Variants in STK24 observed in about 807,000 individuals in gnomAD.
STK24 encodes serine/threonine kinase 24.
STK24 carries 21 observed loss-of-function variants against 55.6 expected under a neutral mutation model. That is an observed-to-expected ratio of 0.38 (90% CI 0.27 to 0.54). The LOEUF is 0.54. STK24 is among the 20% of genes least tolerant of loss of function. STK24 has a pLI of 0.79. For synonymous variants in STK24, 200 were observed against 215.2 expected (o/e 0.93, Z 0.62); for missense variants, 383 against 538.4 (o/e 0.71, Z 2.86).
chr13:98,554,655 C>T (rs533864707), intron 1 of STK24, among the ~76,000 whole-genome samples: 1 of 152,262 alleles, frequency 6.6e-6, no homozygotes, highest in African/African-American at 2.4e-5. Context: ...GACTCCACCT[C>T]TACAAAAATA....
At chr13:98,552,513 A>C (rs191946979) in intron 1 of STK24, among the ~76,000 whole-genome samples, 2 of 152,184 alleles carry the variant, frequency 1.3e-5, no homozygotes, top group Admixed American at 6.5e-5. Flanking sequence ...ACAAAGCAGG[A>C]GGTCCTCCTT....
rs1424681097 is a variant in STK24 at position 98,463,583 on chromosome 13, CT to C, written c.929+107del. The C allele has an allele frequency of 7.3e-5, 78 of 1,062,714 alleles. No homozygotes were observed. The East Asian group carries it at 2.1e-3, about 29-fold the overall frequency. The allele number at this position is 1,062,714 out of a possible 1,614,324, so 65.8% of individuals were successfully genotyped here. The stretch of plus-strand genomic sequence containing the variant: ...AACAATTGCCACCAACCTGGATTGT[CT>C]AAAAAAAAAAAAAAACTCAACAGAA... On this transcript the variant is annotated intron_variant, in intron 7 of 10. Transcript: ENST00000539966.
intron 1 of STK24, among the ~76,000 whole-genome samples, chr13:98,542,588 A>C (rs938762368): frequency 1.3e-5 from 2 of 152,186 alleles, no homozygotes; most frequent in African/African-American, 2.4e-5. Context: ...CCTAGACCCA[A>C]GAAACAGCCT....
rs80183281 is a variant in STK24 at position 98,453,275 on chromosome 13, T to C, written c.1260-66A>G. ...TCTCATCCCTGTGCAAAAATTCATA[T>C]AGTAACCAAAATCTTAGTTTTCATA... On this transcript the variant is annotated intron_variant, in intron 10 of 10. Transcript: ENST00000539966. 3.8e-4 allele frequency: 573 copies of C among 1,513,504 alleles called. 2 individuals are homozygous for C. The East Asian group carries it at 0.011, about 30-fold the overall frequency. 93.8% of individuals were successfully genotyped at this position (1,513,504 alleles called of 1,614,324 possible).
intron 10 of STK24, chr13:98,456,507 G>A (rs372990278): frequency 9.1e-5 from 47 of 516,110 alleles, no homozygotes; most frequent in African/African-American, 7.6e-4. Context: ...GCCTCCAAAC[G>A]CCTGCACTTG....
intron 1 of STK24, among the ~76,000 whole-genome samples, chr13:98,528,919 AG>A (rs778549997): frequency 6.6e-6 from 1 of 152,156 alleles, no homozygotes; most frequent in Non-Finnish European, 1.5e-5. Flanking sequence ...AGCCTGGAGC[AG>A]GGAAGGGGAG....
chr13:98,445,818 A>C lies in STK24; in HGVS notation c.*7355T>G. The C allele has an allele frequency of 3.1e-6, 1 of 320,948 alleles. No homozygotes were observed. Among genetic ancestry groups the C allele is most frequent in the Non-Finnish European group, 5.8e-6 (1 of 171,690 alleles). 19.9% of individuals were successfully genotyped at this position (320,948 alleles called of 1,614,324 possible). ...CCCTGCAACGAGCCTATTTCCAAAT[A>C]AGCCTGTGTTCTAAGGTACTGGTAG... On this transcript the variant is annotated 3_prime_UTR_variant, in exon 11 of 11. Coordinates refer to ENST00000539966, the MANE Select transcript of STK24 (RefSeq NM_001032296.4).
At chr13:98,550,210 G>A (rs1452278044) in intron 1 of STK24, among the ~76,000 whole-genome samples, 1 of 152,216 alleles carries the variant, frequency 6.6e-6, no homozygotes, top group African/African-American at 2.4e-5. Flanking sequence ...TTCTCTAGAA[G>A]CAGTAAAAGC....
chr13:98,568,448 C>CA (rs1278415326), intron 1 of STK24, among the ~76,000 whole-genome samples: 7 of 152,140 alleles, frequency 4.6e-5, no homozygotes. Context: ...CCCCACATCT[C>CA]ACAGCCAGGC....
chr13:98,517,555 G>A (rs778409376), intron 2 of STK24, among the ~76,000 whole-genome samples: 4 of 152,078 alleles, frequency 2.6e-5, no homozygotes, highest in Admixed American at 2.0e-4. Flanking sequence ...GCTTGAACCC[G>A]GGAGGCGGAG....
rs1030365872 is a variant in STK24, at chr13:98,474,880, C to T, written c.538G>A (p.Val180Met). Residue 180 changes from valine to methionine, a missense_variant, in exon 5 of 11, where the codon GTG (valine) becomes ATG (methionine). Val to Met is a conservative substitution (Grantham distance 21). Transcript: ENST00000539966. ...GGTGCCATCCAGAATGGGGTGCCCA[C>T]GAAGGTGTTCCTTTTGATCTGGGTG... ...TDTQIKRNTF[V>M]GTPFWMAPEV... 4.3e-6 allele frequency: 7 copies of T among 1,614,136 alleles called. No homozygotes were observed. The highest frequency in any genetic ancestry group is 5.1e-6 in the Non-Finnish European group (6 of 1,180,012).
intron 1 of STK24, chr13:98,522,020 C>A: frequency 7.0e-7 from 1 of 1,428,524 alleles, no homozygotes; most frequent in Non-Finnish European, 9.2e-7. Context: ...CCACTCTCTC[C>A]TTCCTCTGGA....
chr13:98,487,447 C>T (rs564302344), intron 2 of STK24, among the ~76,000 whole-genome samples: 1 of 152,172 alleles, frequency 6.6e-6, no homozygotes, highest in East Asian at 1.9e-4. Flanking sequence ...TAAAAGGTGC[C>T]AAAGTATATA....
At chr13:98,482,614 G>T (rs1425643498) in intron 2 of STK24, among the ~76,000 whole-genome samples, 1 of 152,204 alleles carries the variant, frequency 6.6e-6, no homozygotes, top group Non-Finnish European at 1.5e-5. Context: ...AAAGCAGACT[G>T]GGTGTTTCCA....
At chr13:98,563,526 A>T (rs1303461335) in intron 1 of STK24, among the ~76,000 whole-genome samples, 2 of 152,280 alleles carry the variant, frequency 1.3e-5, no homozygotes, top group East Asian at 3.9e-4. Flanking sequence ...AAGTCTGTAT[A>T]ATGTGCTGTT....
intron 9 of STK24, among the ~76,000 whole-genome samples, chr13:98,458,696 G>A (rs563995851): frequency 3.9e-5 from 6 of 152,298 alleles, no homozygotes; most frequent in East Asian, 3.9e-4. Context: ...GAGCAAAGGC[G>A]GCAGAAGGGC....
chr13:98,446,857 G>A lies in STK24; in HGVS notation c.*6316C>T. ...CCCACGCACAGGGCCCTGCAGAAGAGGACCCCCTCTTCCAAACATCAGGAT... is the reference window on the plus strand; with the variant it reads ...CCCACGCACAGGGCCCTGCAGAAGAAGACCCCCTCTTCCAAACATCAGGAT... On this transcript the variant is annotated 3_prime_UTR_variant, in exon 11 of 11. Transcript: ENST00000539966. 1 of 1,605,010 alleles carries A rather than the reference G, an allele frequency of 6.2e-7. No individual in the cohort carries two copies. Among genetic ancestry groups the A allele is most frequent in the Non-Finnish European group, 8.5e-7 (1 of 1,173,268 alleles).
chr13:98,505,228 C>T (rs1395218719), intron 2 of STK24, among the ~76,000 whole-genome samples: 5 of 152,270 alleles, frequency 3.3e-5, no homozygotes, highest in African/African-American at 1.2e-4. Context: ...TGCCACACCT[C>T]AGTGTAGACA....
At chr13:98,548,898 A>G (rs1897095698) in intron 1 of STK24, among the ~76,000 whole-genome samples, 1 of 149,450 alleles carries the variant, frequency 6.7e-6, no homozygotes, top group African/African-American at 2.5e-5. Context: ...AGAGTAAATG[A>G]CTAGATCTAC....
Sources: gnomAD v4.1 joint callset for allele counts (sites outside exome capture counted in the v4.1 genomes callset) on GRCh38, gnomAD v4.1.1 for gene constraint, MANE v1.5 for transcripts, NCBI Gene and HGNC (gene_info 2026-07-23, HGNC 2026-07-21) for gene names.